RSRC1: variants seen among roughly 807,000 people sequenced by gnomAD.
The protein encoded by RSRC1 is arginine and serine rich coiled-coil 1, also known as serine/Arginine-related protein 53.
A neutral mutation model predicts 49.1 loss-of-function variants in RSRC1; 39 were observed. The observed-to-expected ratio is 0.79, with a 90% CI of 0.61 to 1.04. The LOEUF is 1.04. Ranked by LOEUF, RSRC1 falls within the 50% of genes least tolerant of loss-of-function variation. The pLI, the probability that RSRC1 is intolerant of heterozygous loss-of-function variation, is 0.00. For missense variants in RSRC1, 388 were observed against 402.4 expected, an observed-to-expected ratio of 0.96 and a Z score of 0.31; for synonymous variants, 143 against 130.8, an observed-to-expected ratio of 1.09 and a Z score of -0.63.
chr3:158,510,859 C>T (rs568738974), intron 7 of RSRC1, among the ~76,000 whole-genome samples: 12 of 151,882 alleles, frequency 7.9e-5, no homozygotes, highest in Non-Finnish European at 1.3e-4. Flanking sequence ...CTTTGTTCTT[C>T]CATATGAATC....
chr3:158,359,299 C>T (rs140715555), intron 6 of RSRC1, among the ~76,000 whole-genome samples: 1,891 of 152,066 alleles, frequency 0.012, 25 homozygotes, highest in Non-Finnish European at 0.021. Context: ...TCTGTAAGAG[C>T]GAAAGATAAT....
intron 4 of RSRC1, among the ~76,000 whole-genome samples, chr3:158,241,482 T>C (rs1723572838): frequency 6.6e-6 from 1 of 151,278 alleles, no homozygotes; most frequent in East Asian, 1.9e-4. Context: ...ATTATAAAAA[T>C]ATTTTTTTTA....
At chr3:158,380,375 A>C (rs1732636848) in intron 6 of RSRC1, among the ~76,000 whole-genome samples, 1 of 152,128 alleles carries the variant, frequency 6.6e-6, no homozygotes, top group Non-Finnish European at 1.5e-5. Context: ...CTGGAGGATT[A>C]CTTGAGCCCA....
chr3:158,184,322 T>A (rs1719805359), intron 3 of RSRC1, among the ~76,000 whole-genome samples: 1 of 151,908 alleles, frequency 6.6e-6, no homozygotes, highest in South Asian at 2.1e-4. Flanking sequence ...TTTAAAGCAC[T>A]CACACCAAAT....
At chr3:158,211,886 A>G (rs1312785000) in intron 4 of RSRC1, among the ~76,000 whole-genome samples, 1 of 151,948 alleles carries the variant, frequency 6.6e-6, no homozygotes, top group Non-Finnish European at 1.5e-5. Flanking sequence ...CAGTTTCTCA[A>G]CTATCATTCT....
chr3:158,531,029 T>G (rs547261707), intron 7 of RSRC1, among the ~76,000 whole-genome samples: 1 of 151,310 alleles, frequency 6.6e-6, no homozygotes, highest in South Asian at 2.1e-4. Flanking sequence ...GTTTTATTTT[T>G]TAATGGTAAC....
rs985597073 is a variant in RSRC1, at chr3:158,236,362, G to A, written c.494+33117G>A. Among the ~76,000 whole-genome samples the A allele has an allele frequency of 3.9e-5, 6 of 152,054 alleles. No homozygotes were observed. In the South Asian group the frequency reaches 1.2e-3, roughly 32 times the overall value. ...TTTATTGAGGTGTAATTTACTTGTG[G>A]TGAAATGCACAGATCTTACATATAG... On this transcript the variant is annotated intron_variant, in intron 4 of 9. Coordinates refer to ENST00000611884, the MANE Select transcript of RSRC1 (RefSeq NM_001271838.2).
At chr3:158,248,653 A>ATT (rs1724039873) in intron 4 of RSRC1, among the ~76,000 whole-genome samples, 1 of 150,048 alleles carries the variant, frequency 6.7e-6, no homozygotes, top group Non-Finnish European at 1.5e-5. Context: ...GCTGGAGTGC[A>ATT]GTAATGTGAT....
At chr3:158,325,067 G>T (rs1439282126) in intron 5 of RSRC1, among the ~76,000 whole-genome samples, 3 of 152,182 alleles carry the variant, frequency 2.0e-5, no homozygotes, top group South Asian at 2.1e-4. Context: ...TTGCCCACTT[G>T]TTGATGGGGT....
intron 3 of RSRC1, among the ~76,000 whole-genome samples, chr3:158,134,819 CAA>C (rs751553348): frequency 6.6e-5 from 10 of 152,112 alleles, no homozygotes; most frequent in African/African-American, 1.9e-4. Flanking sequence ...CTATGAGAGA[CAA>C]AGAGATGTGG....
chr3:158,521,590 G>C (rs561739145), intron 7 of RSRC1, among the ~76,000 whole-genome samples: 3 of 152,134 alleles, frequency 2.0e-5, no homozygotes, highest in East Asian at 3.9e-4. Flanking sequence ...AAATTTAATG[G>C]GAAGACTTGC....
At chr3:158,375,971 A>T (rs1037897219) in intron 6 of RSRC1, among the ~76,000 whole-genome samples, 2 of 151,458 alleles carry the variant, frequency 1.3e-5, no homozygotes, top group Non-Finnish European at 2.9e-5. Context: ...GCCAATCAAT[A>T]TTTTAAGGGT....
At chr3:158,293,304 G>A (rs1727047825) in intron 4 of RSRC1, among the ~76,000 whole-genome samples, 2 of 151,830 alleles carry the variant, frequency 1.3e-5, no homozygotes, top group Admixed American at 6.6e-5. Flanking sequence ...GTGTACGTAC[G>A]TACATATGTA....
intron 7 of RSRC1, among the ~76,000 whole-genome samples, 199 bp from the exon 8 acceptor site, chr3:158,536,893 G>A (rs1430584711): frequency 5.3e-5 from 8 of 151,518 alleles, no homozygotes. Context: ...TCTTAGCAGT[G>A]TTTTAGGTTT....
At chr3:158,491,714 T>A (rs1739090549) in intron 7 of RSRC1, among the ~76,000 whole-genome samples, 1 of 152,154 alleles carries the variant, frequency 6.6e-6, no homozygotes, top group African/African-American at 2.4e-5. Flanking sequence ...GCTGAAGTAA[T>A]GAAAATAAAG....
intron 7 of RSRC1, among the ~76,000 whole-genome samples, chr3:158,494,449 A>G (rs993864287): frequency 6.6e-6 from 1 of 152,236 alleles, no homozygotes; most frequent in African/African-American, 2.4e-5. Context: ...ATTACTGTCC[A>G]CTACTGTGGA....
At chr3:158,139,987 T>C (rs994251573) in intron 3 of RSRC1, among the ~76,000 whole-genome samples, 1 of 152,236 alleles carries the variant, frequency 6.6e-6, no homozygotes, top group African/African-American at 2.4e-5. Context: ...GAAGGACATT[T>C]TGCATTCTAA....
At chr3:158,532,109 G>C (rs1712432161) in intron 7 of RSRC1, among the ~76,000 whole-genome samples, 1 of 151,828 alleles carries the variant, frequency 6.6e-6, no homozygotes, top group Admixed American at 6.6e-5. Flanking sequence ...TTATGTATTT[G>C]TAGCAATATT....
At chr3:158,453,985 A>G (rs1275362318) in intron 6 of RSRC1, among the ~76,000 whole-genome samples, 1 of 151,786 alleles carries the variant, frequency 6.6e-6, no homozygotes, top group Non-Finnish European at 1.5e-5. Flanking sequence ...TTTGTGAGTA[A>G]CCTATTTTTT....
Sources: allele counts gnomAD v4.1 joint callset (sites outside exome capture counted in the v4.1 genomes callset), GRCh38; gene constraint gnomAD v4.1.1; transcripts MANE v1.5; gene names NCBI Gene and HGNC (gene_info 2026-07-23, HGNC 2026-07-21).